Variants in OPCML observed in about 807,000 individuals in gnomAD.
OPCML encodes the protein opioid-binding protein/cell adhesion molecule.
In OPCML, 13 loss-of-function variants were observed where a neutral mutation model predicts 37.8. The observed-to-expected ratio is 0.34, with a 90% confidence interval of 0.22 to 0.55. The LOEUF (loss-of-function observed/expected upper bound fraction) is 0.55, where lower values mean the gene tolerates loss of function less well. OPCML is among the 20% of genes least tolerant of loss of function. The probability of loss-of-function intolerance (pLI) is 0.91; values close to 1 mark genes in which losing one functional copy is unlikely to be tolerated. For synonymous variants in OPCML, 176 were observed against 168.8 expected, an observed-to-expected ratio of 1.04 and a Z score of -0.33; for missense variants, 341 against 435.6, an observed-to-expected ratio of 0.78 and a Z score of 1.93.
intron 1 of OPCML, among the ~76,000 whole-genome samples, chr11:133,470,212 C>A (rs975722793): frequency 1.3e-5 from 2 of 151,836 alleles, no homozygotes; most frequent in African/African-American, 2.4e-5. Context: ...TTTTTTAATC[C>A]CAGAAGTCAA....
At chr11:133,151,134 G>A (rs554938905) in intron 1 of OPCML, among the ~76,000 whole-genome samples, 3 of 151,880 alleles carry the variant, frequency 2.0e-5, no homozygotes, top group Admixed American at 6.6e-5. Context: ...TTAGCTGGGC[G>A]TGGTGGTGCA....
At chr11:133,033,525 A>G (rs1386054572) in intron 1 of OPCML, among the ~76,000 whole-genome samples, 3 of 152,240 alleles carry the variant, frequency 2.0e-5, no homozygotes, top group Admixed American at 6.5e-5. Context: ...AGAAAATTGT[A>G]TATAAATAGC....
intron 2 of OPCML, among the ~76,000 whole-genome samples, chr11:132,706,451 C>T (rs1944038516): frequency 1.3e-5 from 2 of 152,146 alleles, no homozygotes; most frequent in South Asian, 2.1e-4. Context: ...ACTGCACTTC[C>T]CTGCTTCTTG....
intron 1 of OPCML, among the ~76,000 whole-genome samples, chr11:133,347,785 T>C (rs1467270823): frequency 6.6e-6 from 1 of 152,168 alleles, no homozygotes; most frequent in African/African-American, 2.4e-5. Flanking sequence ...TATCATTCAC[T>C]TCAGCAATAA....
chr11:132,982,856 C>T (rs1946615855), intron 1 of OPCML, among the ~76,000 whole-genome samples: 1 of 152,228 alleles, frequency 6.6e-6, no homozygotes, highest in Non-Finnish European at 1.5e-5. Context: ...AGCACCAAGA[C>T]AGCTCCACTG....
intron 2 of OPCML, among the ~76,000 whole-genome samples, chr11:132,832,348 C>T (rs1032351284): frequency 6.6e-6 from 1 of 151,370 alleles, no homozygotes; most frequent in Non-Finnish European, 1.5e-5. Context: ...GAAGCCTAAA[C>T]CTCAAATCAT....
chr11:133,266,525 T>C (rs897279714), intron 1 of OPCML, among the ~76,000 whole-genome samples: 1 of 152,218 alleles, frequency 6.6e-6, no homozygotes, highest in Non-Finnish European at 1.5e-5. Context: ...CACTGCCATT[T>C]GGTATTTCCC....
intron 1 of OPCML, among the ~76,000 whole-genome samples, chr11:132,945,946 C>G (rs1032891265): frequency 2.0e-5 from 3 of 152,192 alleles, no homozygotes; most frequent in African/African-American, 7.2e-5. Context: ...CCATGCCCAG[C>G]TAACTTTTTG....
At chr11:133,483,674 T>TGATAGATAGATA (rs141632251) in intron 1 of OPCML, among the ~76,000 whole-genome samples, 42 of 146,020 alleles carry the variant, frequency 2.9e-4, no homozygotes, top group South Asian at 4.6e-4. Context: ...GATAAATAGA[T>TGATAGATAGATA]GATAGATAGA....
intron 1 of OPCML, among the ~76,000 whole-genome samples, chr11:133,052,815 C>A (rs991837154): frequency 7.2e-5 from 11 of 152,194 alleles, no homozygotes; most frequent in African/African-American, 2.7e-4. Flanking sequence ...ACATGGGGAA[C>A]CTGCCAAGAC....
chr11:133,431,918 T>A (rs1362911897), intron 1 of OPCML, among the ~76,000 whole-genome samples: 1 of 151,754 alleles, frequency 6.6e-6, no homozygotes, highest in Non-Finnish European at 1.5e-5. Flanking sequence ...GGTAAAAAAT[T>A]GGAAGAAAAT....
rs867592654 is a variant in OPCML, at chr11:133,140,835, A to C, written c.62-197825T>G. On this transcript the variant is annotated intron_variant, in intron 1 of 7. Coordinates refer to ENST00000524381, the MANE Select transcript of OPCML (RefSeq NM_001012393.5). ...ACGACGAAGAAGAAGACGACGACGA[A>C]GAAGACGACGACGACGACGAAGAAG... Among the ~76,000 whole-genome samples, 13 of 49,526 alleles carry C rather than the reference A, an allele frequency of 2.6e-4. 1 individual carries two copies. Among genetic ancestry groups the C allele is most frequent in the African/African-American group, 6.5e-4 (12 of 18,516 alleles). The allele number at this position is 49,526 out of a possible 152,430, so 32.5% of individuals were successfully genotyped here. A position where few individuals can be genotyped will look rare whatever the true frequency, so the allele number is the denominator to read the frequency against.
intron 1 of OPCML, among the ~76,000 whole-genome samples, chr11:133,178,367 C>T (rs1171818151): frequency 1.3e-5 from 2 of 152,066 alleles, no homozygotes; most frequent in African/African-American, 4.8e-5. Flanking sequence ...GGACATGGTT[C>T]GCAGTCTTCT....
chr11:133,193,374 T>C (rs1220960635), intron 1 of OPCML, among the ~76,000 whole-genome samples: 1 of 152,014 alleles, frequency 6.6e-6, no homozygotes, highest in Non-Finnish European at 1.5e-5. Flanking sequence ...GAAGAGAAAA[T>C]CTTAGAAGGT....
At chr11:133,336,444 G>A (rs1030112280) in intron 1 of OPCML, among the ~76,000 whole-genome samples, 1 of 152,146 alleles carries the variant, frequency 6.6e-6, no homozygotes, top group Non-Finnish European at 1.5e-5. Flanking sequence ...CTAGGTTAAA[G>A]TTTGTATATT....
intron 2 of OPCML, among the ~76,000 whole-genome samples, chr11:132,913,544 C>T (rs564878606): frequency 2.0e-5 from 3 of 152,244 alleles, no homozygotes; most frequent in Admixed American, 1.3e-4. Flanking sequence ...AAGCCAGAGA[C>T]CATTAGAGCA....
chr11:132,479,364 G>A (rs148619690), intron 4 of OPCML, among the ~76,000 whole-genome samples: 2,913 of 152,296 alleles, frequency 0.019, 85 homozygotes, highest in East Asian at 0.063. Context: ...CACGTGGCTC[G>A]GAGGGTCCTA....
chr11:132,510,416 G>T (rs951176991), intron 4 of OPCML, among the ~76,000 whole-genome samples: 2 of 152,112 alleles, frequency 1.3e-5, no homozygotes, highest in Non-Finnish European at 2.9e-5. Context: ...ATGAGATTTG[G>T]AGGGGCCAGG....
At chr11:132,758,156 G>C (rs1946125355) in intron 2 of OPCML, among the ~76,000 whole-genome samples, 1 of 152,018 alleles carries the variant, frequency 6.6e-6, no homozygotes, top group African/African-American at 2.4e-5. Flanking sequence ...CTGTTCCATT[G>C]GTCTATATAT....
Sources: gnomAD v4.1 joint callset for allele counts (sites outside exome capture counted in the v4.1 genomes callset) on GRCh38, gnomAD v4.1.1 for gene constraint, MANE v1.5 for transcripts, NCBI Gene and HGNC (gene_info 2026-07-23, HGNC 2026-07-21) for gene names.